The following ST3GAL3 variants were observed in gnomAD, a reference collection of about 807,000 sequenced individuals.
The protein encoded by ST3GAL3 is ST3 beta-galactoside alpha-2,3-sialyltransferase 3, also known as CMP-N-acetylneuraminate-beta-1,4-galactoside alpha-2,3-sialyltransferase.
A neutral mutation model predicts 50.1 loss-of-function variants in ST3GAL3; 21 were observed. The observed-to-expected ratio is 0.42, with a 90% CI of 0.30 to 0.60. The LOEUF is 0.60. ST3GAL3 is among the 20% of genes least tolerant of loss of function. The pLI is 0.19. For synonymous variants in ST3GAL3, 183 were observed against 190.0 expected (o/e 0.96, Z 0.30); for missense variants, 353 against 489.4 (o/e 0.72, Z 2.63).
chr1:43,801,358 G>T (rs1448577932), intron 3 of ST3GAL3: 1 of 456,266 alleles, frequency 2.2e-6, no homozygotes, highest in East Asian at 7.0e-5. Context: ...CAACGGAAAT[G>T]CCAGTAGCAT....
At position 43,862,745 on chromosome 1, in the gene ST3GAL3, CAAAAAAA is replaced by C. The variant is rs749080973; in HGVS notation, c.302+24449_302+24455del. On this transcript the variant is annotated intron_variant, in intron 5 of 11. Coordinates refer to ENST00000347631, the MANE Select transcript of ST3GAL3 (RefSeq NM_006279.5). ...AAACATAGCGAGACTCTGTCTCTAC[CAAAAAAA>C]AAAAAAAAAAAAAATTTAATTAGCA... is the stretch of plus-strand genomic sequence containing the variant. 1.1e-3 allele frequency among the ~76,000 whole-genome samples: 116 copies of C among 104,408 alleles called. No individual in the cohort carries two copies. The East Asian group carries it at 0.026, about 23-fold the overall frequency. The allele number at this position is 104,408 out of a possible 152,430, so 68.5% of individuals were successfully genotyped here.
chr1:43,879,057 A>T (rs1436413345), intron 5 of ST3GAL3: 2 of 456,216 alleles, frequency 4.4e-6, no homozygotes, highest in African/African-American at 2.0e-5. Flanking sequence ...ATGTTAGAGA[A>T]TGACTGCGGC....
intron 2 of ST3GAL3, among the ~76,000 whole-genome samples, chr1:43,778,636 C>A (rs895365491): frequency 1.6e-4 from 20 of 125,978 alleles, no homozygotes; most frequent in African/African-American, 5.5e-4. Flanking sequence ...GATTTCTTTT[C>A]TTTTTTTCTT....
chr1:43,857,427 A>C (rs2068616466), intron 5 of ST3GAL3, among the ~76,000 whole-genome samples: 1 of 152,098 alleles, frequency 6.6e-6, no homozygotes, highest in African/African-American at 2.4e-5. Flanking sequence ...CAAAAAAACC[A>C]AACTTTTAAA....
At chr1:43,788,793 GA>G (rs1165219206) in intron 2 of ST3GAL3, among the ~76,000 whole-genome samples, 2 of 152,288 alleles carry the variant, frequency 1.3e-5, no homozygotes, top group South Asian at 2.1e-4. Flanking sequence ...GAAAGAAGAA[GA>G]AAAGCAAACA....
At chr1:43,920,746 T>C (rs1421985530) in intron 10 of ST3GAL3, 36 bp from the exon 11 acceptor site, 1 of 1,614,166 alleles carries the variant, frequency 6.2e-7, no homozygotes, top group East Asian at 2.2e-5. Flanking sequence ...AGCTGAACTC[T>C]GCATGCCTTC....
intron 1 of ST3GAL3, among the ~76,000 whole-genome samples, chr1:43,729,691 A>G (rs1237110240): frequency 6.6e-6 from 1 of 152,214 alleles, no homozygotes; most frequent in Non-Finnish European, 1.5e-5. Context: ...TTGTTTATGG[A>G]TGCATAGTAC....
chr1:43,785,116 G>T (rs35025013), intron 2 of ST3GAL3, among the ~76,000 whole-genome samples: 30,886 of 152,118 alleles, frequency 0.2, 4,171 homozygotes, highest in Middle Eastern at 0.3. Context: ...ACTAAGACTG[G>T]GGGGGTTAGA....
chr1:43,865,124 T>C (rs957921484), intron 5 of ST3GAL3, among the ~76,000 whole-genome samples: 1 of 151,866 alleles, frequency 6.6e-6, no homozygotes, highest in Admixed American at 6.6e-5. Flanking sequence ...TCACGCCATT[T>C]TCCTGCCTCA....
At chr1:43,772,366 C>T in intron 2 of ST3GAL3, 1 of 222,202 alleles carries the variant, frequency 4.5e-6, no homozygotes, top group Non-Finnish European at 8.7e-6. Context: ...TTTTTTTAAT[C>T]CTATATGTAT....
At chr1:43,877,805 C>T (rs2074385063) in intron 5 of ST3GAL3, among the ~76,000 whole-genome samples, 1 of 152,212 alleles carries the variant, frequency 6.6e-6, no homozygotes, top group Non-Finnish European at 1.5e-5. Flanking sequence ...AATGACTGCC[C>T]TTGTGCCCCT....
chr1:43,899,649 C>G lies in ST3GAL3; in HGVS notation c.666C>G (p.Arg222=), dbSNP rs773310944. 2 of 1,614,158 alleles carry G rather than the reference C, an allele frequency of 1.2e-6. No individual in the cohort carries two copies. Among genetic ancestry groups the G allele is most frequent in the Admixed American group, 1.7e-5 (1 of 60,012 alleles). Reference sequence around the variant, plus strand: ...TGCAGCGGCCTGAGCAGTACGAGCGCGATTCTCTCTTTGTCCTCGCCGGCT... The same window carrying G: ...TGCAGCGGCCTGAGCAGTACGAGCGGGATTCTCTCTTTGTCCTCGCCGGCT... ...GAMQRPEQYE[R]DSLFVLAGFK... is the part of the protein sequence containing the mutation. The change falls in exon 9 of 12, where the codon CGC becomes CGG. Residue 222 remains arginine, a synonymous_variant. Coordinates refer to ENST00000347631, the MANE Select transcript of ST3GAL3 (RefSeq NM_006279.5). This position sits in a 1 kb window ranked among gnomAD's most constrained non-coding sequence, Gnocchi z 5.4.
At chr1:43,922,033 A>T (rs995164793) in intron 11 of ST3GAL3, 2 of 308,404 alleles carry the variant, frequency 6.5e-6, no homozygotes, top group Non-Finnish European at 1.2e-5. Flanking sequence ...ATTCTCTCAC[A>T]TTCTCTTTCT....
chr1:43,921,174 C>G (rs1456800555), intron 11 of ST3GAL3, among the ~76,000 whole-genome samples: 1 of 152,164 alleles, frequency 6.6e-6, no homozygotes, highest in Non-Finnish European at 1.5e-5. Flanking sequence ...CTGCATTCCC[C>G]AGTCAGGAAC....
chr1:43,857,586 C>CCCTTCCTTCCTTCCTTCCTTCCTTCCTT (rs1178598580), intron 5 of ST3GAL3, among the ~76,000 whole-genome samples: 4 of 86,030 alleles, frequency 4.6e-5, no homozygotes, highest in East Asian at 7.1e-4. Context: ...CTTCCTCCCT[C>CCCTTCCTTCCTTCCTTCCTTCCTTCCTT]CCTTCCTTCC....
At chr1:43,782,250 C>T (rs1046006581) in intron 2 of ST3GAL3, among the ~76,000 whole-genome samples, 8 of 152,138 alleles carry the variant, frequency 5.3e-5, no homozygotes, top group Non-Finnish European at 7.4e-5. Context: ...ATCCCACATC[C>T]GATCAGTTTC....
intron 2 of ST3GAL3, chr1:43,736,997 GT>G (rs1326496747): frequency 5.5e-6 from 1 of 183,118 alleles, no homozygotes; most frequent in Non-Finnish European, 1.1e-5. Flanking sequence ...AATCCCACTG[GT>G]TTGGTTTCTG....
At chr1:43,881,203 G>A (rs2428852) in intron 5 of ST3GAL3, among the ~76,000 whole-genome samples, 87,088 of 151,942 alleles carry the variant, frequency 0.57, 28,910 homozygotes, top group Non-Finnish European at 0.75. Context: ...TAGAGACAGG[G>A]TTTCACCATG....
In ST3GAL3 at chr1:43,745,077, A is replaced by G. The variant is rs566892936; in HGVS notation, c.118+8697A>G. Among the ~76,000 whole-genome samples, 17 of 152,344 alleles carry G rather than the reference A, an allele frequency of 1.1e-4. No individual in the cohort carries two copies. The South Asian group carries it at 3.5e-3, about 32-fold the overall frequency. Reference sequence around the variant, plus strand: ...ACTTTGGGAGGGCTGACTTAAGGTCAGGAGTTTGAAATCAGCCTGGCCAAC... The same window carrying G: ...ACTTTGGGAGGGCTGACTTAAGGTCGGGAGTTTGAAATCAGCCTGGCCAAC... On this transcript the variant is annotated intron_variant, in intron 2 of 11. Transcript: ENST00000347631.
Sources: gnomAD v4.1 joint callset for allele counts (sites outside exome capture counted in the v4.1 genomes callset) on GRCh38, gnomAD v4.1.1 for gene constraint, Gnocchi (gnomAD v3.1) non-coding constraint, MANE v1.5 for transcripts, NCBI Gene and HGNC (gene_info 2026-07-23, HGNC 2026-07-21) for gene names.